Variants in MICAL3 observed in about 807,000 individuals in gnomAD.
MICAL3 encodes the protein [F-actin]-monooxygenase MICAL3.
A neutral mutation model predicts 207.4 loss-of-function variants in MICAL3; 62 were observed. The ratio of observed to expected loss-of-function variants is 0.30; its 90% CI spans 0.24 to 0.37. The LOEUF is 0.37. MICAL3 is among the 10% of genes least tolerant of loss of function. MICAL3 has a pLI of 1.00. For missense variants in MICAL3, 2,368 were observed against 2,635.6 expected (o/e 0.90, Z 2.22); for synonymous variants, 1,077 against 1,069.3 (o/e 1.01, Z -0.14).
Position 17,816,695 on chromosome 22 carries a change from G to T in MICAL3, c.5440C>A (p.Arg1814=). 1.3e-6 allele frequency: 2 copies of T among 1,552,358 alleles called. No homozygotes were observed. The highest frequency in any genetic ancestry group is 1.7e-6 in the Non-Finnish European group (2 of 1,147,468). Residue 1814 remains arginine, a synonymous_variant, in exon 27 of 32, where the codon CGA becomes AGA. Coordinates refer to ENST00000441493, the MANE Select transcript of MICAL3 (RefSeq NM_015241.3). Reference sequence around the variant, plus strand: ...CCCCCTGCCTGACTACCCACCTCTCGCCGGGACTTCTGTGAGGACTTCTCA... The same window carrying T: ...CCCCCTGCCTGACTACCCACCTCTCTCCGGGACTTCTGTGAGGACTTCTCA... ...VLEKSSQKSR[R]EPRTYTEEEL...
At chr22:17,861,033 G>T in intron 19 of MICAL3, 1 of 985,260 alleles carries the variant, frequency 1.0e-6, no homozygotes, top group Non-Finnish European at 1.2e-6. Flanking sequence ...ACACATCACC[G>T]TCAGCTATGG....
intron 10 of MICAL3, among the ~76,000 whole-genome samples, chr22:17,894,145 C>T (rs951415391): frequency 1.3e-5 from 2 of 152,056 alleles, no homozygotes; most frequent in African/African-American, 4.8e-5. Flanking sequence ...GGTGCGGTGG[C>T]TCACACCTAT....
At chr22:17,864,489 G>C in intron 19 of MICAL3, 3 of 1,425,994 alleles carry the variant, frequency 2.1e-6, no homozygotes, top group Non-Finnish European at 2.7e-6. Flanking sequence ...ACTGCATGAA[G>C]GCCGAGTGGC....
At chr22:17,842,895 G>A (rs1424535185) in intron 19 of MICAL3, among the ~76,000 whole-genome samples, 2 of 152,176 alleles carry the variant, frequency 1.3e-5, no homozygotes, top group African/African-American at 4.8e-5. Flanking sequence ...GCCGATGCAG[G>A]TGGATCACGA....
At chr22:17,843,732 C>T (rs935302773) in intron 19 of MICAL3, among the ~76,000 whole-genome samples, 1 of 152,240 alleles carries the variant, frequency 6.6e-6, no homozygotes, top group East Asian at 1.9e-4. Context: ...TAATATTTCC[C>T]CACCACTGTG....
intron 15 of MICAL3, among the ~76,000 whole-genome samples, chr22:17,886,479 C>T (rs1224988258): frequency 6.6e-6 from 1 of 152,150 alleles, no homozygotes; most frequent in Non-Finnish European, 1.5e-5. Flanking sequence ...CCAGCCTGGA[C>T]AACACGGTAA....
intron 1 of MICAL3, among the ~76,000 whole-genome samples, chr22:17,934,917 C>T (rs1287045552): frequency 2.0e-5 from 3 of 152,090 alleles, no homozygotes; most frequent in Admixed American, 2.0e-4. Context: ...TGAAGGACCT[C>T]TTCAAGGAGA....
At chr22:17,917,828 C>A (rs1932629930) in intron 1 of MICAL3, among the ~76,000 whole-genome samples, 2 of 152,218 alleles carry the variant, frequency 1.3e-5, no homozygotes, top group Non-Finnish European at 2.9e-5. Flanking sequence ...GAAGGCCCCG[C>A]CCCTGCCCCG....
At position 17,887,192 on chromosome 22, in the gene MICAL3, C is replaced by T; in HGVS notation, c.2045G>A (p.Arg682Lys). The T allele has an allele frequency of 6.2e-7, 1 of 1,613,682 alleles. No homozygotes were observed. Among genetic ancestry groups the T allele is most frequent in the South Asian group, 1.1e-5 (1 of 90,996 alleles). Residue 682 changes from arginine to lysine, a missense_variant, in exon 15 of 32, where the codon AGA becomes AAA. Arg to Lys is a conservative substitution (Grantham distance 26, BLOSUM62 2). Transcript: ENST00000441493. ...EKDLDGAGKR[R>K]KTSQSEEEEA... ...CACCTCCTCTGATTGACTGGTCTTT[C>T]TCCTCTTCCCAGCACCATCCAAGTC...
Position 17,826,374 on chromosome 22 carries a change from A to G in MICAL3, c.3193+1270T>C, listed in dbSNP as rs751061644. 566 of 794,672 alleles carry G rather than the reference A, an allele frequency of 7.1e-4. 4 individuals carry two copies. The highest frequency in any genetic ancestry group is 1.3e-3 in the Middle Eastern group (2 of 1,508). The allele number at this position is 794,672 out of a possible 1,614,324, so 49.2% of individuals were successfully genotyped here. A position where few individuals can be genotyped will look rare whatever the true frequency, so the allele number is the denominator to read the frequency against. On this transcript the variant is annotated intron_variant, in intron 22 of 31. Transcript: ENST00000441493. ...GGCATGCACTTGCAACAGGCCCAGG[A>G]GTCTAGTGTTAAGGTACCAGCAGAG...
rs141432231 is a variant in MICAL3 at position 18,012,697 on chromosome 22, C to T, written c.-75+11584G>A. On this transcript the variant is annotated intron_variant, in intron 1 of 31. Transcript: ENST00000441493. ...CTTCTGTGTGTATCACAACATGACA[C>T]GCCTACGAAGAATGCTGAGCTAGGA... Among the ~76,000 whole-genome samples the T allele has an allele frequency of 4.7e-4, 72 of 152,320 alleles. 1 individual carries two copies. The highest frequency in any genetic ancestry group is 1.6e-3 in the African/African-American group (65 of 41,578).
chr22:17,978,453 A>G (rs1295712712), intron 1 of MICAL3, among the ~76,000 whole-genome samples: 2 of 152,122 alleles, frequency 1.3e-5, no homozygotes, highest in Non-Finnish European at 2.9e-5. Context: ...AAAATGTTCT[A>G]TAATTGAATG....
intron 19 of MICAL3, among the ~76,000 whole-genome samples, chr22:17,856,841 T>C (rs1925966799): frequency 6.6e-6 from 1 of 152,038 alleles, no homozygotes; most frequent in Non-Finnish European, 1.5e-5. Context: ...CAGGATGGTC[T>C]CGATCTCCTG....
intron 12 of MICAL3, 116 bp downstream of exon 12, chr22:17,891,369 G>C: frequency 2.3e-6 from 2 of 861,524 alleles, no homozygotes; most frequent in Admixed American, 2.4e-5. Context: ...GCCTTCTAGA[G>C]AAAGTATCTT....
At chr22:17,792,981 G>C (rs181893647) in intron 29 of MICAL3, among the ~76,000 whole-genome samples, 40 of 151,640 alleles carry the variant, frequency 2.6e-4, no homozygotes, top group Admixed American at 3.3e-4. Context: ...AAGCTGTCCA[G>C]TGCGCCCGGC....
intron 1 of MICAL3, among the ~76,000 whole-genome samples, chr22:17,991,323 A>G (rs1015602097): frequency 1.3e-5 from 2 of 152,268 alleles, no homozygotes; most frequent in African/African-American, 2.4e-5. Context: ...CAATGGTGGG[A>G]TATCAGACTG....
intron 16 of MICAL3, among the ~76,000 whole-genome samples, chr22:17,874,142 A>G (rs189771147): frequency 2.2e-4 from 33 of 152,380 alleles, no homozygotes; most frequent in Non-Finnish European, 4.0e-4. Context: ...CTCAAGGCTC[A>G]GCTGAACTGA....
chr22:17,922,251 T>C (rs141994580), intron 1 of MICAL3, among the ~76,000 whole-genome samples: 131 of 152,274 alleles, frequency 8.6e-4, no homozygotes, highest in Middle Eastern at 6.8e-3. Context: ...GGAATTCACG[T>C]TCATGTTTGC....
chr22:17,998,846 C>T lies in MICAL3; in HGVS notation c.-75+25435G>A, dbSNP rs1465102938. 2.6e-5 allele frequency among the ~76,000 whole-genome samples: 4 copies of T among 152,234 alleles called. No individual in the cohort carries two copies. The East Asian group carries it at 7.7e-4, about 29-fold the overall frequency. On this transcript the variant is annotated intron_variant, in intron 1 of 31. Coordinates refer to ENST00000441493, the MANE Select transcript of MICAL3 (RefSeq NM_015241.3). ...GGATTACAGGTGTGAGCCACCGCGCCGGGCCCAGAGCATAATTATTATTAA... is the reference window on the plus strand; with the variant it reads ...GGATTACAGGTGTGAGCCACCGCGCTGGGCCCAGAGCATAATTATTATTAA...
Sources: allele counts gnomAD v4.1 joint callset (sites outside exome capture counted in the v4.1 genomes callset), GRCh38; gene constraint gnomAD v4.1.1; transcripts MANE v1.5; gene names NCBI Gene and HGNC (gene_info 2026-07-23, HGNC 2026-07-21).